AUTS2: variants seen among roughly 807,000 people sequenced by gnomAD.
AUTS2 encodes autism susceptibility gene 2 protein.
AUTS2 carries 17 observed loss-of-function variants against 112.4 expected under a neutral mutation model. That is an observed-to-expected ratio of 0.15 (90% CI 0.10 to 0.23). The LOEUF (loss-of-function observed/expected upper bound fraction) is 0.23, where lower values mean the gene tolerates loss of function less well. Among genes scored for constraint, AUTS2 ranks in the 10% least tolerant of loss-of-function variants. The probability of loss-of-function intolerance (pLI) is 1.00; values close to 1 mark genes in which losing one functional copy is unlikely to be tolerated. For missense variants in AUTS2, 1,510 were observed against 1,701.6 expected, an observed-to-expected ratio of 0.89 and a Z score of 1.98; for synonymous variants, 751 against 702.7, an observed-to-expected ratio of 1.07 and a Z score of -1.09.
chr7:70,063,956 T>C (rs1802373506), intron 2 of AUTS2, among the ~76,000 whole-genome samples: 1 of 152,208 alleles, frequency 6.6e-6, no homozygotes, highest in Non-Finnish European at 1.5e-5. Context: ...GTATGCCTTT[T>C]AGTTACTGAG....
intron 1 of AUTS2, among the ~76,000 whole-genome samples, chr7:69,682,390 A>G (rs1796837553): frequency 6.6e-6 from 1 of 152,002 alleles, no homozygotes; most frequent in Non-Finnish European, 1.5e-5. Flanking sequence ...AGTGGGTTCT[A>G]ATGTTAGAAT....
intron 1 of AUTS2, among the ~76,000 whole-genome samples, chr7:69,616,932 A>G (rs1388329342): frequency 6.6e-6 from 1 of 152,184 alleles, no homozygotes; most frequent in Non-Finnish European, 1.5e-5. Flanking sequence ...AAAAAAATTT[A>G]TTGACAGCTT....
chr7:70,154,843 G>A (rs1477659245), intron 4 of AUTS2, among the ~76,000 whole-genome samples: 1 of 152,090 alleles, frequency 6.6e-6, no homozygotes, highest in Admixed American at 6.5e-5. Context: ...TGGTTGGTTG[G>A]GTGCTTTTTT....
chr7:70,763,404 A>G (rs1175293784), intron 7 of AUTS2, 63 bp downstream of exon 7: 1 of 1,238,974 alleles, frequency 8.1e-7, no homozygotes. Flanking sequence ...GGTGGGTGGG[A>G]GTCGGGGAGG....
intron 2 of AUTS2, among the ~76,000 whole-genome samples, chr7:70,074,120 A>C (rs945084075): frequency 1.3e-5 from 2 of 152,264 alleles, no homozygotes; most frequent in Non-Finnish European, 2.9e-5. Context: ...AACATGTAGA[A>C]GAGCTACTTG....
At chr7:70,188,369 G>T (rs1809712474) in intron 4 of AUTS2, among the ~76,000 whole-genome samples, 1 of 152,178 alleles carries the variant, frequency 6.6e-6, no homozygotes, top group African/African-American at 2.4e-5. Context: ...GGCTACAGAG[G>T]TTAAAAGTGG....
At chr7:70,053,152 A>G (rs1355556147) in intron 2 of AUTS2, among the ~76,000 whole-genome samples, 1 of 152,178 alleles carries the variant, frequency 6.6e-6, no homozygotes, top group African/African-American at 2.4e-5. Context: ...AGATAACAAT[A>G]AATAATAGCC....
rs145994529 is a variant in AUTS2, at chr7:70,789,754, C to T, written c.2538C>T (p.Ser846=). 6.0e-5 allele frequency: 96 copies of T among 1,609,350 alleles called. No individual in the cohort carries two copies. In the East Asian group the frequency reaches 8.5e-4, roughly 14 times the overall value. The change falls in exon 19 of 19, where the codon AGC becomes AGT. Residue 846 remains serine, a synonymous_variant. Coordinates refer to ENST00000342771, the MANE Select transcript of AUTS2 (RefSeq NM_015570.4). ...SVSKDDKERE[S]VEKRHSSHPS... Reference sequence around the variant, plus strand: ...CTTCCCCTCTCTCCCCCAGGGAAAGCGTCGAGAAGAGACACTCCAGCCACC... The same window carrying T: ...CTTCCCCTCTCTCCCCCAGGGAAAGTGTCGAGAAGAGACACTCCAGCCACC...
chr7:69,816,265 C>G (rs191697445), intron 1 of AUTS2, among the ~76,000 whole-genome samples: 7 of 152,306 alleles, frequency 4.6e-5, no homozygotes, highest in Admixed American at 4.6e-4. Flanking sequence ...GAGCCAGCCC[C>G]TTGAAATTAA....
At chr7:69,960,212 T>C (rs1264816903) in intron 2 of AUTS2, among the ~76,000 whole-genome samples, 2 of 152,182 alleles carry the variant, frequency 1.3e-5, no homozygotes, top group East Asian at 3.8e-4. Context: ...AAAAAGTATA[T>C]ACAGCTATAA....
intron 2 of AUTS2, among the ~76,000 whole-genome samples, chr7:69,999,912 A>C (rs1799109952): frequency 6.6e-6 from 1 of 152,170 alleles, no homozygotes; most frequent in East Asian, 1.9e-4. Context: ...AACTGGATGG[A>C]AAGTTGTTCT....
At chr7:70,343,796 C>T (rs1335768777) in intron 4 of AUTS2, among the ~76,000 whole-genome samples, 1 of 152,010 alleles carries the variant, frequency 6.6e-6, no homozygotes, top group East Asian at 1.9e-4. Flanking sequence ...AAAGGAGTCT[C>T]TCCTTTCTTC....
intron 1 of AUTS2, among the ~76,000 whole-genome samples, chr7:69,898,887 C>A (rs1457206441): frequency 6.6e-6 from 1 of 152,146 alleles, no homozygotes; most frequent in Non-Finnish European, 1.5e-5. Context: ...ATTGAGCATG[C>A]ACTTAGTGCT....
At position 70,503,234 on chromosome 7, in the gene AUTS2, T is replaced by C. The variant is rs374360500; in HGVS notation, c.690+67453T>C. Among the ~76,000 whole-genome samples the C allele has an allele frequency of 7.9e-5, 12 of 152,260 alleles. No homozygotes were observed. In the East Asian group the frequency reaches 2.3e-3, roughly 29 times the overall value. On this transcript the variant is annotated intron_variant, in intron 5 of 18. Transcript: ENST00000342771. ...AGAGGCACCTGACTGGCCCAATCCATTGTCACATGTTAATGGCTGTCACAT... is the reference window on the plus strand; with the variant it reads ...AGAGGCACCTGACTGGCCCAATCCACTGTCACATGTTAATGGCTGTCACAT...
At chr7:70,276,897 C>T (rs1429778775) in intron 4 of AUTS2, among the ~76,000 whole-genome samples, 2 of 152,118 alleles carry the variant, frequency 1.3e-5, no homozygotes, top group South Asian at 2.1e-4. Flanking sequence ...GAGTAAAGAA[C>T]GTTGGTAACT....
chr7:70,506,249 CGA>C (rs964400276), intron 5 of AUTS2, among the ~76,000 whole-genome samples: 11 of 152,100 alleles, frequency 7.2e-5, no homozygotes, highest in African/African-American at 2.7e-4. Flanking sequence ...TGGTGAGGAG[CGA>C]GAGAGCAGAG....
chr7:69,750,114 C>T (rs1176641101), intron 1 of AUTS2, among the ~76,000 whole-genome samples: 1 of 152,158 alleles, frequency 6.6e-6, no homozygotes, highest in Non-Finnish European at 1.5e-5. Flanking sequence ...CTTGTTTTCT[C>T]GTTCTGTTGA....
At chr7:69,809,015 C>G (rs914785442) in intron 1 of AUTS2, among the ~76,000 whole-genome samples, 1 of 152,092 alleles carries the variant, frequency 6.6e-6, no homozygotes, top group African/African-American at 2.4e-5. Flanking sequence ...TAGTGTACCT[C>G]AGCTAACCTC....
chr7:70,471,871 C>T (rs974376023), intron 5 of AUTS2, among the ~76,000 whole-genome samples: 19 of 151,792 alleles, frequency 1.3e-4, no homozygotes, highest in African/African-American at 4.4e-4. Flanking sequence ...CACAGGGATT[C>T]GTAAGGTAGC....
Sources: gnomAD v4.1 joint callset for allele counts (sites outside exome capture counted in the v4.1 genomes callset) on GRCh38, gnomAD v4.1.1 for gene constraint, MANE v1.5 for transcripts, NCBI Gene and HGNC (gene_info 2026-07-23, HGNC 2026-07-21) for gene names.